The following DYM variants were observed in gnomAD, a reference collection of about 807,000 sequenced individuals.
DYM encodes dyggve-Melchior-Clausen syndrome protein.
DYM carries 78 observed loss-of-function variants against 93.1 expected under a neutral mutation model. The observed-to-expected ratio is 0.84, with a 90% CI of 0.70 to 1.01. The LOEUF (loss-of-function observed/expected upper bound fraction) is 1.01, where lower values mean the gene tolerates loss of function less well. DYM is among the 50% of genes least tolerant of loss of function. DYM has a pLI of 0.00. For synonymous variants in DYM, 321 were observed against 319.7 expected (o/e 1.00, Z -0.04); for missense variants, 789 against 845.0 (o/e 0.93, Z 0.82).
intron 13 of DYM, among the ~76,000 whole-genome samples, chr18:49,222,417 G>T (rs918228510): frequency 3.3e-5 from 5 of 152,054 alleles, no homozygotes; most frequent in African/African-American, 1.2e-4. Flanking sequence ...GACAAGAAAT[G>T]TATTTAATAC....
intron 14 of DYM, 37 bp downstream of exon 14, chr18:49,209,514 T>C (rs2092680967): frequency 7.9e-7 from 1 of 1,265,622 alleles, no homozygotes; most frequent in Non-Finnish European, 1.0e-6. Context: ...ATATACAACA[T>C]GCAGCATGCA....
chr18:49,110,228 C>G (rs751173455), intron 16 of DYM, among the ~76,000 whole-genome samples: 22 of 152,174 alleles, frequency 1.4e-4, no homozygotes, highest in Non-Finnish European at 2.9e-4. Flanking sequence ...GTTTGAGGAC[C>G]TCTTCTTCCA....
At chr18:49,145,354 C>T (rs2085006572) in intron 15 of DYM, among the ~76,000 whole-genome samples, 1 of 151,484 alleles carries the variant, frequency 6.6e-6, no homozygotes, top group South Asian at 2.1e-4. Context: ...AGTTATGCCA[C>T]CAAATGGATA....
chr18:49,104,949 T>C (rs2080626984), intron 16 of DYM, among the ~76,000 whole-genome samples: 1 of 152,232 alleles, frequency 6.6e-6, no homozygotes, highest in South Asian at 2.1e-4. Flanking sequence ...GGATTCCCTC[T>C]TTTTCTATTG....
intron 1 of DYM, among the ~76,000 whole-genome samples, chr18:49,445,127 TTC>T (rs1166270605): frequency 6.6e-6 from 1 of 152,200 alleles, no homozygotes; most frequent in Admixed American, 6.5e-5. Flanking sequence ...TAGAAATGTT[TTC>T]TCTCTTGTTA....
chr18:49,045,563 G>A (rs1324770984), intron 17 of DYM, among the ~76,000 whole-genome samples: 2 of 152,236 alleles, frequency 1.3e-5, no homozygotes, highest in Admixed American at 1.3e-4. Context: ...CCAGGGCCTA[G>A]AGATACGGGG....
intron 2 of DYM, among the ~76,000 whole-genome samples, chr18:49,423,548 G>C (rs770924892): frequency 2.4e-4 from 36 of 152,190 alleles, no homozygotes; most frequent in Non-Finnish European, 4.4e-4. Flanking sequence ...TAAGATCGGA[G>C]CAGAACTGAA....
At chr18:49,406,188 T>A (rs2071476866) in intron 2 of DYM, among the ~76,000 whole-genome samples, 1 of 151,168 alleles carries the variant, frequency 6.6e-6, no homozygotes, top group Non-Finnish European at 1.5e-5. Flanking sequence ...CTTTTCCTAT[T>A]TGAGTACCTT....
chr18:49,094,708 G>T (rs1009464274), intron 17 of DYM, among the ~76,000 whole-genome samples: 1 of 152,112 alleles, frequency 6.6e-6, no homozygotes, highest in Non-Finnish European at 1.5e-5. Context: ...TATTTTATTT[G>T]GTTGGAAGTC....
chr18:49,326,748 T>C (rs1345275655), intron 8 of DYM, among the ~76,000 whole-genome samples: 3 of 152,208 alleles, frequency 2.0e-5, no homozygotes, highest in Admixed American at 1.3e-4. Flanking sequence ...TTAAGTGAAA[T>C]ACAAATAACG....
chr18:49,310,226 G>T (rs191311300), intron 8 of DYM, among the ~76,000 whole-genome samples: 164 of 152,264 alleles, frequency 1.1e-3, no homozygotes, highest in Non-Finnish European at 1.9e-3. Context: ...GTTTATAAAT[G>T]ACATTAATTA....
intron 17 of DYM, among the ~76,000 whole-genome samples, chr18:49,050,103 T>TA (rs2072206564): frequency 6.7e-6 from 1 of 148,716 alleles, no homozygotes; most frequent in African/African-American, 2.5e-5. Context: ...TTTTTTTTTT[T>TA]AAGATGGAGT....
chr18:49,332,047 G>A, intron 7 of DYM, 41 bp from the exon 8 acceptor site: 1 of 1,580,890 alleles, frequency 6.3e-7, no homozygotes, highest in South Asian at 1.1e-5. Flanking sequence ...ATATTTATGG[G>A]AGTCATCTAA....
chr18:49,133,195 C>T (rs1265556771), intron 15 of DYM, among the ~76,000 whole-genome samples: 1 of 152,038 alleles, frequency 6.6e-6, no homozygotes, highest in Non-Finnish European at 1.5e-5. Flanking sequence ...TTTATAAATA[C>T]GTACTTAAGA....
At chr18:49,109,026 C>G (rs2081148837) in intron 16 of DYM, among the ~76,000 whole-genome samples, 1 of 146,002 alleles carries the variant, frequency 6.8e-6, no homozygotes, top group African/African-American at 2.5e-5. Flanking sequence ...AGTCATCCTA[C>G]CCCTTTTTTT....
chr18:49,443,199 C>A (rs541269239), intron 1 of DYM, among the ~76,000 whole-genome samples: 1 of 152,136 alleles, frequency 6.6e-6, no homozygotes, highest in Non-Finnish European at 1.5e-5. Context: ...TATTTTGTGA[C>A]ATGTGTAAAT....
At chr18:49,177,637 T>A (rs2089526885) in intron 14 of DYM, among the ~76,000 whole-genome samples, 1 of 152,246 alleles carries the variant, frequency 6.6e-6, no homozygotes, top group African/African-American at 2.4e-5. Flanking sequence ...AAAAACTTTA[T>A]CCATTTATTT....
intron 2 of DYM, among the ~76,000 whole-genome samples, chr18:49,423,307 C>A (rs895765037): frequency 1.3e-4 from 20 of 152,044 alleles, no homozygotes; most frequent in African/African-American, 4.8e-4. Flanking sequence ...GGGTACATAA[C>A]AAAAGGAAGG....
chr18:49,198,744 A>C (rs1011984293), intron 14 of DYM, among the ~76,000 whole-genome samples: 3 of 151,682 alleles, frequency 2.0e-5, no homozygotes, highest in African/African-American at 7.3e-5. Context: ...GCTGGAGAGG[A>C]TGTGGAGAAA....
Sources: gnomAD v4.1 joint callset for allele counts (sites outside exome capture counted in the v4.1 genomes callset) on GRCh38, gnomAD v4.1.1 for gene constraint, MANE v1.5 for transcripts, NCBI Gene and HGNC (gene_info 2026-07-23, HGNC 2026-07-21) for gene names.